The following TBC1D32 variants were observed in gnomAD, a reference collection of about 807,000 sequenced individuals.
The protein encoded by TBC1D32 is TBC1 domain family member 32, also known as protein broad-minded.
A neutral mutation model predicts 170.3 loss-of-function variants in TBC1D32; 151 were observed. That is an observed-to-expected ratio of 0.89 (90% CI 0.78 to 1.01). TBC1D32 has a LOEUF of 1.01. Among genes scored for constraint, TBC1D32 ranks in the 50% least tolerant of loss-of-function variants. TBC1D32 has a pLI of 0.00. For missense variants in TBC1D32, 1,464 were observed against 1,457.1 expected (o/e 1.00, Z -0.08); for synonymous variants, 498 against 488.0 (o/e 1.02, Z -0.27).
chr6:121,210,520 T>A (rs6569180), intron 21 of TBC1D32, among the ~76,000 whole-genome samples: 26,089 of 152,128 alleles, frequency 0.17, 4,418 homozygotes, highest in African/African-American at 0.44. Flanking sequence ...CCAGTAATCA[T>A]GCTTCTAGAA....
intron 24 of TBC1D32, 113 bp downstream of exon 24, chr6:121,159,897 C>A: frequency 1.5e-6 from 1 of 661,090 alleles, no homozygotes; most frequent in Non-Finnish European, 2.5e-6. Context: ...CATAAATGCA[C>A]ACATGTATAC....
chr6:121,131,296 A>T (rs181982885), intron 25 of TBC1D32, among the ~76,000 whole-genome samples: 30 of 152,070 alleles, frequency 2.0e-4, no homozygotes, highest in African/African-American at 6.0e-4. Context: ...AATGTTGATT[A>T]AAAAATCAAT....
chr6:121,146,466 C>T (rs1273708), intron 24 of TBC1D32, among the ~76,000 whole-genome samples: 150,587 of 152,320 alleles, frequency 0.99, 74,469 homozygotes, highest in East Asian at 1. Flanking sequence ...AAGCTCTTTA[C>T]TGGCTATTTC....
At chr6:121,209,990 G>A (rs1442557261) in intron 21 of TBC1D32, among the ~76,000 whole-genome samples, 16 of 152,146 alleles carry the variant, frequency 1.1e-4, no homozygotes. Context: ...TCGTAGAGCT[G>A]GATGGTAAGT....
At chr6:121,119,267 A>C (rs1320708888) in intron 26 of TBC1D32, among the ~76,000 whole-genome samples, 1 of 152,170 alleles carries the variant, frequency 6.6e-6, no homozygotes, top group Non-Finnish European at 1.5e-5. Flanking sequence ...AATTTGTTTA[A>C]TTCCTAATTT....
intron 1 of TBC1D32, among the ~76,000 whole-genome samples, chr6:121,328,026 G>C (rs890019895): frequency 6.6e-6 from 1 of 151,924 alleles, no homozygotes; most frequent in Non-Finnish European, 1.5e-5. Flanking sequence ...ATCCTTACAA[G>C]GTTTAATTTA....
intron 20 of TBC1D32, among the ~76,000 whole-genome samples, chr6:121,224,188 T>A (rs1794825571): frequency 1.3e-5 from 2 of 152,162 alleles, no homozygotes; most frequent in African/African-American, 4.8e-5. Context: ...ACATACTTTT[T>A]TATCCTAGTA....
chr6:121,130,979 A>G (rs1206502547), intron 25 of TBC1D32, among the ~76,000 whole-genome samples: 1 of 152,150 alleles, frequency 6.6e-6, no homozygotes, highest in Non-Finnish European at 1.5e-5. Context: ...CTAACAATAT[A>G]AAAACTTTTC....
chr6:121,137,552 A>G (rs73768927), intron 24 of TBC1D32, among the ~76,000 whole-genome samples: 4,571 of 151,826 alleles, frequency 0.03, 234 homozygotes, highest in African/African-American at 0.1. Context: ...AAAAAAGAAC[A>G]CATCAAGTTT....
chr6:121,161,870 C>T (rs1785711789), intron 22 of TBC1D32, among the ~76,000 whole-genome samples: 1 of 152,176 alleles, frequency 6.6e-6, no homozygotes, highest in African/African-American at 2.4e-5. Flanking sequence ...TTAATAATAG[C>T]CATTCTGACT....
At chr6:121,082,166 G>C (rs1775707458) in intron 31 of TBC1D32, among the ~76,000 whole-genome samples, 1 of 151,998 alleles carries the variant, frequency 6.6e-6, no homozygotes, top group South Asian at 2.1e-4. Flanking sequence ...AGTGAGAAGA[G>C]CCCTGCCCTA....
At chr6:121,205,023 A>AT in intron 22 of TBC1D32, 52 bp downstream of exon 22, 1 of 1,108,554 alleles carries the variant, frequency 9.0e-7, no homozygotes, top group Non-Finnish European at 1.3e-6. Flanking sequence ...ACAAATGCTT[A>AT]TTTTTTGTGG....
intron 19 of TBC1D32, among the ~76,000 whole-genome samples, chr6:121,240,626 C>A (rs1796854047): frequency 6.6e-6 from 1 of 151,548 alleles, no homozygotes; most frequent in Admixed American, 6.6e-5. Flanking sequence ...CGGTGGTTCA[C>A]ACTTGTAATC....
intron 26 of TBC1D32, among the ~76,000 whole-genome samples, chr6:121,122,654 C>T (rs1166658725): frequency 1.3e-5 from 2 of 152,004 alleles, no homozygotes; most frequent in Admixed American, 6.6e-5. Context: ...GATCCTTTTT[C>T]TGTTGTGTAT....
chr6:121,304,739 G>A lies in TBC1D32; in HGVS notation c.769+16C>T, dbSNP rs1281268631. The A allele has an allele frequency of 8.2e-6, 13 of 1,578,876 alleles. No individual in the cohort carries two copies. The Admixed American group carries it at 2.2e-4, about 27-fold the overall frequency. On this transcript the variant is annotated intron_variant, in intron 6 of 31. Transcript: ENST00000398212. ...CAAATGACAAAAAACATTTTTAAAT[G>A]TTTTCACAAACATACCTAAGCTTGT...
At chr6:121,119,033 A>C (rs1278661183) in intron 26 of TBC1D32, among the ~76,000 whole-genome samples, 1 of 152,084 alleles carries the variant, frequency 6.6e-6, no homozygotes, top group Non-Finnish European at 1.5e-5. Context: ...AGGAGGCAGC[A>C]CAAGTACTAC....
At position 121,199,235 on chromosome 6, in the gene TBC1D32, G is replaced by A. The variant is rs941453949; in HGVS notation, c.2570+5840C>T. 5.9e-5 allele frequency among the ~76,000 whole-genome samples: 9 copies of A among 151,278 alleles called. No individual in the cohort carries two copies. The East Asian group carries it at 1.3e-3, about 23-fold the overall frequency. On this transcript the variant is annotated intron_variant, in intron 22 of 31. Coordinates refer to ENST00000398212, the MANE Select transcript of TBC1D32 (RefSeq NM_152730.6). ...TATTTAAAAATAAAAAAACACCTAC[G>A]TGTGTAAAAACAGAAAATTGAGATT...
chr6:121,238,247 C>T (rs767828647), intron 20 of TBC1D32, among the ~76,000 whole-genome samples: 2 of 152,062 alleles, frequency 1.3e-5, no homozygotes, highest in South Asian at 2.1e-4. Context: ...AATTTTCTAC[C>T]TTAAGCAAAA....
In TBC1D32 at chr6:121,236,168, T is replaced by C. The variant is rs1312953740; in HGVS notation, c.2364+2902A>G. Reference sequence around the variant, plus strand: ...AATTGTAAAATTTATGTATGAGCTATACCTCTTTGCACTAATTTTTAGTGC... The same window carrying C: ...AATTGTAAAATTTATGTATGAGCTACACCTCTTTGCACTAATTTTTAGTGC... On this transcript the variant is annotated intron_variant, in intron 20 of 31. Coordinates refer to ENST00000398212, the MANE Select transcript of TBC1D32 (RefSeq NM_152730.6). 1.3e-5 allele frequency among the ~76,000 whole-genome samples: 2 copies of C among 151,472 alleles called. 1 individual carries two copies. Among genetic ancestry groups the C allele is most frequent in the Non-Finnish European group, 2.9e-5 (2 of 67,850 alleles).
Sources: allele counts gnomAD v4.1 joint callset (sites outside exome capture counted in the v4.1 genomes callset), GRCh38; gene constraint gnomAD v4.1.1; transcripts MANE v1.5; gene names NCBI Gene and HGNC (gene_info 2026-07-23, HGNC 2026-07-21).